Variants in SUGCT observed in about 807,000 individuals in gnomAD.
The protein encoded by SUGCT is succinyl-CoA:glutarate CoA-transferase.
Under a neutral mutation model 55.0 loss-of-function variants are expected in SUGCT, and 41 were observed. The observed-to-expected ratio is 0.74, with a 90% CI of 0.58 to 0.97. SUGCT has a LOEUF of 0.97. Ranked by LOEUF, SUGCT falls within the 50% of genes least tolerant of loss-of-function variation. The pLI, the probability that SUGCT is intolerant of heterozygous loss-of-function variation, is 0.00. For missense variants in SUGCT, 568 were observed against 547.8 expected (o/e 1.04, Z -0.37); for synonymous variants, 187 against 200.4 (o/e 0.93, Z 0.56).
chr7:40,166,163 A>G (rs1464545034), intron 1 of SUGCT, among the ~76,000 whole-genome samples: 2 of 152,184 alleles, frequency 1.3e-5, no homozygotes, highest in Admixed American at 1.3e-4. Context: ...AGTGGCATTT[A>G]CTTTATGCTG....
chr7:40,529,850 T>C (rs1793994387), intron 12 of SUGCT, among the ~76,000 whole-genome samples: 1 of 152,042 alleles, frequency 6.6e-6, no homozygotes, highest in South Asian at 2.1e-4. Flanking sequence ...TTGTAGAAAA[T>C]AAACTTTACA....
chr7:40,712,150 G>C (rs544898466), intron 12 of SUGCT, among the ~76,000 whole-genome samples: 13 of 152,292 alleles, frequency 8.5e-5, no homozygotes, highest in African/African-American at 2.9e-4. Context: ...GTAAATAGGG[G>C]TTATGAATGA....
chr7:41,012,093 G>C, the SUGCT span, among the ~76,000 whole-genome samples: 2 of 152,132 alleles, frequency 1.3e-5, no homozygotes, highest in Admixed American at 1.3e-4. Context: ...TTGCCATTCA[G>C]CTGGAAAAAT....
At chr7:40,258,467 C>A (rs1053280085) in intron 7 of SUGCT, among the ~76,000 whole-genome samples, 1 of 152,188 alleles carries the variant, frequency 6.6e-6, no homozygotes, top group Non-Finnish European at 1.5e-5. Flanking sequence ...CAACCTCCAC[C>A]TCCCGGGTTC....
chr7:40,737,592 G>A (rs1787229427), intron 12 of SUGCT, among the ~76,000 whole-genome samples: 1 of 152,104 alleles, frequency 6.6e-6, no homozygotes, highest in Non-Finnish European at 1.5e-5. Context: ...TACAGAGACA[G>A]AAAAAATGTG....
intron 12 of SUGCT, among the ~76,000 whole-genome samples, chr7:40,505,954 A>G (rs1227368939): frequency 1.3e-5 from 2 of 152,068 alleles, no homozygotes; most frequent in East Asian, 1.9e-4. Context: ...TGTTACATTT[A>G]TATATGTTAA....
the SUGCT span, among the ~76,000 whole-genome samples, chr7:40,872,659 G>A: frequency 1.3e-5 from 2 of 152,160 alleles, no homozygotes; most frequent in African/African-American, 4.8e-5. Context: ...CTTTCATACT[G>A]TGGATACACA....
intron 13 of SUGCT, among the ~76,000 whole-genome samples, chr7:40,809,723 A>G (rs1265868141): frequency 1.3e-5 from 2 of 152,176 alleles, no homozygotes; most frequent in East Asian, 1.9e-4. Context: ...GAATGATCCC[A>G]TCACCCAGGT....
At chr7:40,587,903 GTTT>G (rs376387507) in intron 12 of SUGCT, among the ~76,000 whole-genome samples, 1 of 134,024 alleles carries the variant, frequency 7.5e-6, no homozygotes. Flanking sequence ...CTTTCTTTCT[GTTT>G]TTTTTTTTTT....
the SUGCT span, among the ~76,000 whole-genome samples, chr7:40,891,964 T>G: frequency 1.3e-5 from 2 of 151,788 alleles, no homozygotes; most frequent in Non-Finnish European, 2.9e-5. Context: ...GCCGAGATCA[T>G]GCCACTGCAC....
the SUGCT span, among the ~76,000 whole-genome samples, chr7:41,031,993 CAATGAATGAATG>C: frequency 0.39 from 58,760 of 151,140 alleles, 11,798 homozygotes; most frequent in East Asian, 0.48. Flanking sequence ...AGTAGGGTCT[CAATGAATGAATG>C]AATGAATGAA....
At chr7:40,845,701 A>G (rs1793519205) in intron 13 of SUGCT, among the ~76,000 whole-genome samples, 1 of 152,178 alleles carries the variant, frequency 6.6e-6, no homozygotes, top group Non-Finnish European at 1.5e-5. Flanking sequence ...AAAGGGAAAA[A>G]CTAAGATCAA....
intron 8 of SUGCT, among the ~76,000 whole-genome samples, chr7:40,302,284 C>G (rs1330333134): frequency 6.6e-6 from 1 of 151,930 alleles, no homozygotes; most frequent in Non-Finnish European, 1.5e-5. Context: ...TTTTTTTTGT[C>G]CCCTCCTTGG....
chr7:40,250,512 G>C (rs1390475212), intron 7 of SUGCT, among the ~76,000 whole-genome samples: 1 of 151,918 alleles, frequency 6.6e-6, no homozygotes, highest in Admixed American at 6.6e-5. Flanking sequence ...TCATCAGTCA[G>C]AAGTTCCTAG....
At chr7:40,246,620 G>T (rs1789899574) in intron 7 of SUGCT, among the ~76,000 whole-genome samples, 1 of 147,048 alleles carries the variant, frequency 6.8e-6, no homozygotes, top group Non-Finnish European at 1.5e-5. Flanking sequence ...TTTTTGAGAA[G>T]GAGTCTCACT....
At chr7:40,173,556 C>T (rs10243820) in intron 1 of SUGCT, among the ~76,000 whole-genome samples, 9,799 of 152,228 alleles carry the variant, frequency 0.064, 987 homozygotes, top group African/African-American at 0.22. Context: ...TGTCCCTTAC[C>T]CTGTGCTTTC....
chr7:40,487,217 C>T (rs773994637), intron 11 of SUGCT, among the ~76,000 whole-genome samples: 37 of 143,648 alleles, frequency 2.6e-4, no homozygotes, highest in Non-Finnish European at 4.2e-4. Context: ...TCCAGGTAGC[C>T]GGGATTACAG....
intron 9 of SUGCT, among the ~76,000 whole-genome samples, chr7:40,368,990 G>C (rs552307640): frequency 1.3e-5 from 2 of 152,192 alleles, no homozygotes; most frequent in Admixed American, 6.5e-5. Flanking sequence ...TGTAATCCCA[G>C]CTACTTGGGA....
intron 12 of SUGCT, among the ~76,000 whole-genome samples, chr7:40,681,797 T>G (rs1784258440): frequency 6.6e-6 from 1 of 152,136 alleles, no homozygotes; most frequent in Non-Finnish European, 1.5e-5. Context: ...CATGAAGCTT[T>G]GTTTAAAATT....
Sources: allele counts gnomAD v4.1 joint callset (sites outside exome capture counted in the v4.1 genomes callset), GRCh38; gene constraint gnomAD v4.1.1; transcripts MANE v1.5; gene names NCBI Gene and HGNC (gene_info 2026-07-23, HGNC 2026-07-21).